The following RBFOX1 variants were observed in gnomAD, a reference collection of about 807,000 sequenced individuals.
RBFOX1 encodes the protein RNA binding fox-1 homolog 1.
In RBFOX1, 8 loss-of-function variants were observed where a neutral mutation model predicts 57.7. That is an observed-to-expected ratio of 0.14 (90% CI 0.08 to 0.25). The LOEUF (loss-of-function observed/expected upper bound fraction) is 0.25. Ranked by LOEUF, RBFOX1 falls within the 10% of genes least tolerant of loss-of-function variation. The probability of loss-of-function intolerance (pLI) is 1.00; values close to 1 mark genes in which losing one functional copy is unlikely to be tolerated. For synonymous variants in RBFOX1, 326 were observed against 222.4 expected, an observed-to-expected ratio of 1.47 and a Z score of -4.15; for missense variants, 611 against 548.5, an observed-to-expected ratio of 1.11 and a Z score of -1.14.
At chr16:5,649,165 A>C (rs1326171271) in intron 3 of RBFOX1, among the ~76,000 whole-genome samples, 2 of 152,194 alleles carry the variant, frequency 1.3e-5, no homozygotes, top group African/African-American at 2.4e-5. Context: ...ATATATATGT[A>C]CATATGTATA....
Position 7,587,239 on chromosome 16 carries a change from C to T in RBFOX1, c.415-8C>T. The T allele has an allele frequency of 6.4e-7, 1 of 1,565,606 alleles. No homozygotes were observed. The highest frequency in any genetic ancestry group is 8.7e-7 in the Non-Finnish European group (1 of 1,155,586). ...TCTTGCTTATAAGATATTTCTATTT[C>T]TTTGCAGCAATTTGGTAAAATCTTA... On this transcript the variant is annotated splice_region_variant and splice_polypyrimidine_tract_variant and intron_variant, in intron 6 of 15. Transcript: ENST00000550418.
chr16:6,986,562 G>A (rs1270871743), intron 3 of RBFOX1, among the ~76,000 whole-genome samples: 2 of 152,134 alleles, frequency 1.3e-5, no homozygotes, highest in Non-Finnish European at 2.9e-5. Flanking sequence ...AAAGTGCTGG[G>A]ATTGTAGGCA....
At chr16:6,701,651 TG>T (rs2154142308) in intron 3 of RBFOX1, among the ~76,000 whole-genome samples, 1 of 152,270 alleles carries the variant, frequency 6.6e-6, no homozygotes, top group East Asian at 1.9e-4. Context: ...TACGTACACC[TG>T]TGTTCATTAC....
chr16:6,722,385 C>T (rs2066187048), intron 3 of RBFOX1, among the ~76,000 whole-genome samples: 1 of 152,166 alleles, frequency 6.6e-6, no homozygotes, highest in Non-Finnish European at 1.5e-5. Flanking sequence ...TGCTCTAAGT[C>T]ATCTTGGTCA....
chr16:6,703,079 ATTC>A (rs1417749891), intron 3 of RBFOX1, among the ~76,000 whole-genome samples: 1 of 152,120 alleles, frequency 6.6e-6, no homozygotes, highest in African/African-American at 2.4e-5. Context: ...GTAGTGTGTT[ATTC>A]TTATTTCCTT....
At chr16:7,232,140 C>T (rs1439525483) in intron 4 of RBFOX1, among the ~76,000 whole-genome samples, 2 of 152,134 alleles carry the variant, frequency 1.3e-5, no homozygotes, top group East Asian at 1.9e-4. Flanking sequence ...TCTCCTGCTT[C>T]AGCCTCCTGA....
At chr16:5,282,502 G>T (rs1357905492) in intron 1 of RBFOX1, among the ~76,000 whole-genome samples, 1 of 152,224 alleles carries the variant, frequency 6.6e-6, no homozygotes, top group Admixed American at 6.5e-5. Flanking sequence ...AGCCCAAAAT[G>T]CTGATAGTTA....
intron 4 of RBFOX1, among the ~76,000 whole-genome samples, chr16:7,428,670 C>T (rs972167023): frequency 6.6e-6 from 1 of 151,758 alleles, no homozygotes; most frequent in Non-Finnish European, 1.5e-5. Flanking sequence ...TGCACCTGAC[C>T]AGAGAATTAA....
chr16:6,997,730 A>G (rs1288382073), intron 3 of RBFOX1, among the ~76,000 whole-genome samples: 3 of 152,168 alleles, frequency 2.0e-5, no homozygotes, highest in African/African-American at 7.2e-5. Context: ...CTTGTAATGG[A>G]ACTTAATTGA....
At chr16:5,309,210 T>G (rs2064017374) in intron 1 of RBFOX1, among the ~76,000 whole-genome samples, 1 of 152,244 alleles carries the variant, frequency 6.6e-6, no homozygotes, top group Non-Finnish European at 1.5e-5. Context: ...GTTTTGCTTT[T>G]GGAACGTCTT....
At chr16:6,303,595 G>T (rs764732634) in intron 1 of RBFOX1, among the ~76,000 whole-genome samples, 34 of 152,016 alleles carry the variant, frequency 2.2e-4, no homozygotes, top group Non-Finnish European at 4.6e-4. Flanking sequence ...CTCTGGTCCA[G>T]TTTATGCCAT....
At position 5,497,638 on chromosome 16, in the gene RBFOX1, A is replaced by AT. The variant is rs71142625; in HGVS notation, c.258+30384_258+30385insT. Reference sequence around the variant, plus strand: ...CTAAAAATACAAAAAAAAAAAAAAAAGCTGGGCATGGTGGCACACACTCCC... The same window carrying AT: ...CTAAAAATACAAAAAAAAAAAAAAAATGCTGGGCATGGTGGCACACACTCCC... On this transcript the variant is annotated intron_variant, in intron 2 of 2. Coordinates refer to the RBFOX1 transcript ENST00000585867. Among the ~76,000 whole-genome samples the AT allele has an allele frequency of 2.2e-5, 3 of 139,402 alleles. 1 individual carries two copies. The highest frequency in any genetic ancestry group is 8.9e-5 in the African/African-American group (3 of 33,708). 91.5% of individuals were successfully genotyped at this position (139,402 alleles called of 152,430 possible).
chr16:6,091,820 G>A (rs1213623883), intron 1 of RBFOX1, among the ~76,000 whole-genome samples: 1 of 152,200 alleles, frequency 6.6e-6, no homozygotes, highest in Non-Finnish European at 1.5e-5. Flanking sequence ...GACACAGTGA[G>A]ACTCTGTCTC....
At chr16:6,222,684 T>TTTATTATTATTATTATTATTA (rs57108959) in intron 1 of RBFOX1, among the ~76,000 whole-genome samples, 1 of 141,302 alleles carries the variant, frequency 7.1e-6, no homozygotes, top group African/African-American at 2.6e-5. Context: ...TTTCTTTTCT[T>TTTATTATTATTATTATTATTA]TTATTATTAT....
In RBFOX1 at chr16:7,332,930, G is replaced by A; in HGVS notation, c.28-185217G>A. The stretch of plus-strand genomic sequence containing the variant: ...CAGCTTTGTAGTTCGGAAGAAGTTG[G>A]GTCTATAGATTTCCCCCTAACTCTC... On this transcript the variant is annotated intron_variant, in intron 4 of 15. Transcript: ENST00000550418. 4.4e-6 allele frequency: 7 copies of A among 1,608,134 alleles called. No individual in the cohort carries two copies. In the South Asian group the frequency reaches 5.5e-5, roughly 13 times the overall value.
chr16:7,206,494 C>A (rs901221147), intron 4 of RBFOX1, among the ~76,000 whole-genome samples: 4 of 151,398 alleles, frequency 2.6e-5, no homozygotes, highest in African/African-American at 9.7e-5. Flanking sequence ...TATGCACACA[C>A]ACACACATAT....
intron 1 of RBFOX1, among the ~76,000 whole-genome samples, chr16:6,221,955 A>T (rs949929971): frequency 6.6e-6 from 1 of 152,158 alleles, no homozygotes; most frequent in Non-Finnish European, 1.5e-5. Flanking sequence ...GAATTGATTT[A>T]TTTACTTTAG....
In RBFOX1 at chr16:7,334,061, C is replaced by G. The variant is rs768067175; in HGVS notation, c.28-184086C>G. ...CCCTCCAGCCCCTCATAGTTAAAAA[C>G]TATATGATACCCTAGCTCATTAATT... On this transcript the variant is annotated intron_variant, in intron 4 of 15. Transcript: ENST00000550418. Among the ~76,000 whole-genome samples, 4 of 152,144 alleles carry G rather than the reference C, an allele frequency of 2.6e-5. No individual in the cohort carries two copies. In the South Asian group the frequency reaches 6.2e-4, roughly 24 times the overall value.
In RBFOX1 at chr16:6,504,913, T is replaced by A. The variant is rs558939281; in HGVS notation, c.-63-149690T>A. On this transcript the variant is annotated intron_variant, in intron 2 of 15. Transcript: ENST00000550418. Reference sequence around the variant, plus strand: ...TACTAAAATTACAAAAAAAAAAAAATTTTGTAATTTTTTAACTGGGCTAGT... The same window carrying A: ...TACTAAAATTACAAAAAAAAAAAAAATTTGTAATTTTTTAACTGGGCTAGT... Among the ~76,000 whole-genome samples, 1,202 of 150,276 alleles carry A rather than the reference T, an allele frequency of 8.0e-3. 8 individuals carry two copies. The highest frequency in any genetic ancestry group is 0.01 in the African/African-American group (427 of 40,872).
Sources: gnomAD v4.1 joint callset for allele counts (sites outside exome capture counted in the v4.1 genomes callset) on GRCh38, gnomAD v4.1.1 for gene constraint, MANE v1.5 for transcripts, NCBI Gene and HGNC (gene_info 2026-07-23, HGNC 2026-07-21) for gene names.